The following PIEZO2 variants were observed in gnomAD, a reference collection of about 807,000 sequenced individuals.
The protein encoded by PIEZO2 is piezo-type mechanosensitive ion channel component 2.
A neutral mutation model predicts 337.3 loss-of-function variants in PIEZO2; 172 were observed. That is an observed-to-expected ratio of 0.51 (90% confidence interval 0.45 to 0.58). The LOEUF (loss-of-function observed/expected upper bound fraction) is 0.58, where lower values mean the gene tolerates loss of function less well. Ranked by LOEUF, PIEZO2 falls within the 20% of genes least tolerant of loss-of-function variation. The pLI, the probability that PIEZO2 is intolerant of heterozygous loss-of-function variation, is 0.00. For synonymous variants in PIEZO2, 1,251 were observed against 1,228.5 expected, an observed-to-expected ratio of 1.02 and a Z score of -0.38; for missense variants, 3,028 against 3,391.3, an observed-to-expected ratio of 0.89 and a Z score of 2.66.
Position 10,993,817 on chromosome 18 carries a change from G to A in PIEZO2, c.161-14157C>T, listed in dbSNP as rs909652297. ...GCTGGGATTACAGGCGTGAGCCACC[G>A]CTCCTGGCCATGTCTCTGCTTTTTT... On this transcript the variant is annotated intron_variant, in intron 2 of 55. Transcript: ENST00000674853. This position sits in a 1 kb window ranked among gnomAD's most constrained non-coding sequence, Gnocchi z 5.0. Among the ~76,000 whole-genome samples, 4 of 152,044 alleles carry A rather than the reference G, an allele frequency of 2.6e-5. No individual in the cohort carries two copies. The highest frequency in any genetic ancestry group is 2.1e-4 in the South Asian group (1 of 4,822).
chr18:10,684,729 G>A (rs1458398963), intron 49 of PIEZO2, among the ~76,000 whole-genome samples: 1 of 152,208 alleles, frequency 6.6e-6, no homozygotes, highest in African/African-American at 2.4e-5. Context: ...GCCTCCCAAA[G>A]TGCTGGGATT....
intron 23 of PIEZO2, among the ~76,000 whole-genome samples, chr18:10,761,774 A>G (rs992143664): frequency 1.1e-4 from 17 of 152,316 alleles, no homozygotes; most frequent in African/African-American, 4.1e-4. Context: ...AAGGTCCACA[A>G]AGAAAATGGG....
Position 11,101,365 on chromosome 18 carries a change from G to A in PIEZO2, c.65-35143C>T, listed in dbSNP as rs1318285262. Among the ~76,000 whole-genome samples, 1 of 152,226 alleles carries A rather than the reference G, an allele frequency of 6.6e-6. No individual in the cohort carries two copies. The highest frequency in any genetic ancestry group is 1.9e-4 in the East Asian group (1 of 5,198). On this transcript the variant is annotated intron_variant, in intron 1 of 55. Coordinates refer to ENST00000674853, the MANE Select transcript of PIEZO2 (RefSeq NM_001378183.1). This position sits in a 1 kb window ranked among gnomAD's most constrained non-coding sequence, Gnocchi z 4.4. ...GCTGGCCCCATGAAGCACTCTCAGA[G>A]GGCCCCAGGAGCAGAAACGGAAGTG... is the stretch of plus-strand genomic sequence containing the variant.
intron 2 of PIEZO2, among the ~76,000 whole-genome samples, chr18:11,026,155 G>A (rs531319344): frequency 2.4e-4 from 37 of 152,312 alleles, no homozygotes; most frequent in Admixed American, 1.0e-3. Flanking sequence ...ACCAGAGACC[G>A]CTGTCAATAG....
chr18:11,025,358 TTTTG>T (rs1159700929), intron 2 of PIEZO2, among the ~76,000 whole-genome samples: 1 of 152,176 alleles, frequency 6.6e-6, no homozygotes, highest in Non-Finnish European at 1.5e-5. Context: ...TAACCATATT[TTTTG>T]TTTGATGGGA....
chr18:10,989,967 A>G (rs2035027243), intron 2 of PIEZO2, among the ~76,000 whole-genome samples: 1 of 152,184 alleles, frequency 6.6e-6, no homozygotes, highest in Non-Finnish European at 1.5e-5. Context: ...AAATTTTTAC[A>G]GCAGGACTAC....
In PIEZO2 at chr18:10,682,774, G is replaced by GC. The variant is rs2034326263; in HGVS notation, c.7498-483_7498-482insG. On this transcript the variant is annotated intron_variant, in intron 49 of 55. Transcript: ENST00000674853. This position sits in a 1 kb window ranked among gnomAD's most constrained non-coding sequence, Gnocchi z 5.6. Reference sequence around the variant, plus strand: ...TTTAATTTAATTCATGACACGTGTTGTTAAAGACAATGTTGTTCGACACCT... The same window carrying GC: ...TTTAATTTAATTCATGACACGTGTTGCTTAAAGACAATGTTGTTCGACACCT... 1.6e-5 allele frequency among the ~76,000 whole-genome samples: 1 copy of GC among 61,744 alleles called. No individual in the cohort carries two copies. Among genetic ancestry groups the GC allele is most frequent in the African/African-American group, 4.0e-5 (1 of 24,936 alleles). The allele number at this position is 61,744 out of a possible 152,430, so 40.5% of individuals were successfully genotyped here. A position where few individuals can be genotyped will look rare whatever the true frequency, so the allele number is the denominator to read the frequency against.
In PIEZO2 at chr18:10,681,724, G is replaced by T; in HGVS notation, c.7716C>A (p.Ser2572Arg). 6.2e-7 allele frequency: 1 copy of T among 1,610,980 alleles called. No individual in the cohort carries two copies. The highest frequency in any genetic ancestry group is 8.5e-7 in the Non-Finnish European group (1 of 1,177,264). ...QPIFTMSAQQ[S>R]QLKVMDQQSF... Reference sequence around the variant, plus strand: ...TCTGCTGGTCCATAACTTTCAACTGGCTTTGTTGGGCACTCATTGTGAAAA... The same window carrying T: ...TCTGCTGGTCCATAACTTTCAACTGTCTTTGTTGGGCACTCATTGTGAAAA... The change falls in exon 51 of 56, where the codon AGC (serine) becomes AGA (arginine). Residue 2572 changes from serine (S) to arginine (R), a missense_variant. Physicochemically the swap from Ser to Arg is moderately radical, Grantham distance 110. This residue lies in a region of PIEZO2 where 332 missense variants were observed against 363.8 expected (regional missense o/e 0.91). Coordinates refer to ENST00000674853, the MANE Select transcript of PIEZO2 (RefSeq NM_001378183.1).
chr18:10,753,360 C>T (rs1769921767), intron 27 of PIEZO2, among the ~76,000 whole-genome samples: 1 of 152,180 alleles, frequency 6.6e-6, no homozygotes, highest in African/African-American at 2.4e-5. Flanking sequence ...CTATCCAAAG[C>T]CATGGTGGGG....
intron 2 of PIEZO2, among the ~76,000 whole-genome samples, chr18:10,987,178 T>A (rs1568268980): frequency 6.6e-6 from 1 of 152,096 alleles, no homozygotes; most frequent in Admixed American, 6.5e-5. Context: ...AAAATTCCAA[T>A]GACATTTTTC....
At position 10,725,238 on chromosome 18, in the gene PIEZO2, T is replaced by C. The variant is rs2036484971; in HGVS notation, c.5029+6169A>G. The C allele has an allele frequency of 1.7e-5, 26 of 1,569,782 alleles. No homozygotes were observed. The South Asian group carries it at 2.8e-4, about 17-fold the overall frequency. On this transcript the variant is annotated intron_variant, in intron 36 of 55. Transcript: ENST00000674853. ...AGAAGTTTGGAACCTACGAACACTT[T>C]GAGGCTGCCACCGGCAGGCAGCTGC... is the stretch of plus-strand genomic sequence containing the variant.
intron 3 of PIEZO2, among the ~76,000 whole-genome samples, chr18:10,915,491 A>G (rs2030864548): frequency 6.6e-6 from 1 of 152,210 alleles, no homozygotes; most frequent in East Asian, 1.9e-4. Flanking sequence ...GGTAGTAAGG[A>G]AAGCAAGTTT....
At chr18:10,698,848 C>T (rs2035211594) in intron 44 of PIEZO2, 77 bp downstream of exon 44, 1 of 1,508,458 alleles carries the variant, frequency 6.6e-7, no homozygotes, top group South Asian at 1.2e-5. Flanking sequence ...ACTCCCTTGC[C>T]CCAGACCCAC....
At chr18:11,120,720 C>A (rs2040005979) in intron 1 of PIEZO2, among the ~76,000 whole-genome samples, 2 of 152,172 alleles carry the variant, frequency 1.3e-5, no homozygotes, top group Admixed American at 1.3e-4. Flanking sequence ...AAGGACATAT[C>A]TTTACAATCT....
At chr18:10,915,868 A>G (rs544796115) in intron 3 of PIEZO2, among the ~76,000 whole-genome samples, 1 of 152,188 alleles carries the variant, frequency 6.6e-6, no homozygotes, top group East Asian at 1.9e-4. Context: ...TTAAAGGTGG[A>G]GTTTCTAGAT....
chr18:10,725,297 A>T, intron 36 of PIEZO2: 1 of 1,582,226 alleles, frequency 6.3e-7, no homozygotes, highest in Non-Finnish European at 8.7e-7. Context: ...ATTGTGGGTA[A>T]ATACAGCAGA....
intron 27 of PIEZO2, among the ~76,000 whole-genome samples, chr18:10,753,905 A>C (rs1338432906): frequency 6.6e-6 from 1 of 152,090 alleles, no homozygotes; most frequent in East Asian, 1.9e-4. Context: ...CATAATGGAG[A>C]GTGAATGAAA....
intron 2 of PIEZO2, among the ~76,000 whole-genome samples, chr18:11,034,403 C>T (rs1189536763): frequency 4.0e-5 from 6 of 151,750 alleles, no homozygotes; most frequent in African/African-American, 1.5e-4. Flanking sequence ...TCACGCCATT[C>T]TGCCTTAGCC....
chr18:10,717,796 A>G (rs532927091), intron 37 of PIEZO2, among the ~76,000 whole-genome samples: 1 of 152,296 alleles, frequency 6.6e-6, no homozygotes, highest in African/African-American at 2.4e-5. Context: ...CTTCTAGAGT[A>G]TCACTAATTT....
Sources: allele counts gnomAD v4.1 joint callset (sites outside exome capture counted in the v4.1 genomes callset), GRCh38; gene constraint gnomAD v4.1.1; regional missense constraint gnomAD v4.1.1; non-coding constraint Gnocchi (gnomAD v3.1); transcripts MANE v1.5; gene names NCBI Gene and HGNC (gene_info 2026-07-23, HGNC 2026-07-21).